The following AZGP1 variants were observed in gnomAD, a reference collection of about 807,000 sequenced individuals.
AZGP1 encodes zinc-alpha-2-glycoprotein.
AZGP1 carries 28 observed loss-of-function variants against 31.5 expected under a neutral mutation model. The ratio of observed to expected loss-of-function variants is 0.89; its 90% CI spans 0.66 to 1.22. AZGP1 has a LOEUF of 1.22. AZGP1 is among the 50% of genes most tolerant of loss of function. The pLI, the probability that AZGP1 is intolerant of heterozygous loss-of-function variation, is 0.00. For synonymous variants in AZGP1, 135 were observed against 145.4 expected (o/e 0.93, Z 0.51); for missense variants, 361 against 371.8 (o/e 0.97, Z 0.24).
At chr7:99,968,681 G>A (rs954327491) in intron 2 of AZGP1, 2 of 518,334 alleles carry the variant, frequency 3.9e-6, no homozygotes, top group African/African-American at 3.9e-5. Context: ...GAGAGCTACA[G>A]CCTGGGCGCT....
intron 3 of AZGP1, chr7:99,967,952 T>G: frequency 1.3e-6 from 1 of 755,106 alleles, no homozygotes; most frequent in Admixed American, 2.8e-5. Flanking sequence ...TCCTGGCCCA[T>G]TCTGCCTGAA....
chr7:99,972,108 C>A, intron 1 of AZGP1, 102 bp from the exon 2 acceptor site: 1 of 1,354,022 alleles, frequency 7.4e-7, no homozygotes, highest in Non-Finnish European at 9.9e-7. Flanking sequence ...TTTTCTTCCC[C>A]AGCTCTTTCT....
Position 99,968,409 on chromosome 7 carries a change from C to T in AZGP1, c.359G>A (p.Arg120Lys), listed in dbSNP as rs1789527077. 1.2e-6 allele frequency: 2 copies of T among 1,613,852 alleles called. No homozygotes were observed. Among genetic ancestry groups the T allele is most frequent in the African/African-American group, 2.7e-5 (2 of 74,906 alleles). ...DSNGSHVLQG[R>K]FGCEIENNRS... ...GTTATTCTCGATCTCACAACCAAACCTTCCCTGCAATACGTGAGACCCTGA... is the reference window on the plus strand; with the variant it reads ...GTTATTCTCGATCTCACAACCAAACTTTCCCTGCAATACGTGAGACCCTGA... The change falls in exon 3 of 4, where the codon AGG (arginine) becomes AAG (lysine). Residue 120 changes from arginine to lysine, a missense_variant. Arg to Lys is a conservative substitution (Grantham distance 26). Coordinates refer to ENST00000292401, the MANE Select transcript of AZGP1 (RefSeq NM_001185.4).
At chr7:99,967,417 C>A (rs1789503057) in intron 3 of AZGP1, 131 bp from the exon 4 acceptor site, 2 of 1,048,060 alleles carry the variant, frequency 1.9e-6, no homozygotes, top group African/African-American at 3.2e-5. Context: ...ACCCCCAGCC[C>A]CGGGAGACTT....
At chr7:99,972,165 C>T (rs1337176992) in intron 1 of AZGP1, among the ~76,000 whole-genome samples, 159 bp from the exon 2 acceptor site, 1 of 152,222 alleles carries the variant, frequency 6.6e-6, no homozygotes, top group African/African-American at 2.4e-5. Flanking sequence ...AGTGAATATG[C>T]TCTACTTTCA....
At position 99,968,293 on chromosome 7, in the gene AZGP1, G is replaced by A. The variant is rs150030569; in HGVS notation, c.475C>T (p.Pro159Ser). 6.2e-7 allele frequency: 1 copy of A among 1,613,694 alleles called. No individual in the cohort carries two copies. The highest frequency in any genetic ancestry group is 1.7e-5 in the Admixed American group (1 of 59,956). ...TTCTGCTTGGTTATCTGGGCTGCTG[G>A]GTCGAAGGGGACCCAGGCTGGGATT... is the stretch of plus-strand genomic sequence containing the variant. ...KEIPAWVPFD[P>S]AAQITKQKWE... The change falls in exon 3 of 4, where the codon CCA (proline) becomes TCA (serine). Residue 159 changes from proline to serine, a missense_variant. Pro to Ser is a moderately conservative substitution (Grantham distance 74, BLOSUM62 -1). Transcript: ENST00000292401.
At chr7:99,971,439 G>T in intron 2 of AZGP1, 1 of 316,498 alleles carries the variant, frequency 3.2e-6, no homozygotes, top group East Asian at 6.4e-5. Context: ...CCTTCTCACG[G>T]GGGTATCAGC....
At chr7:99,968,597 A>C in intron 2 of AZGP1, 167 bp from the exon 3 acceptor site, 3 of 821,270 alleles carry the variant, frequency 3.7e-6, no homozygotes, top group East Asian at 2.5e-5. Context: ...AATATATACA[A>C]CAGACAGAGA....
At chr7:99,969,922 G>C (rs1342072286) in intron 2 of AZGP1, among the ~76,000 whole-genome samples, 1 of 152,116 alleles carries the variant, frequency 6.6e-6, no homozygotes, top group Non-Finnish European at 1.5e-5. Context: ...ACCTCATAGG[G>C]CAGGGGACAC....
chr7:99,972,914 G>A (rs1313434014), intron 1 of AZGP1, among the ~76,000 whole-genome samples: 3 of 151,936 alleles, frequency 2.0e-5, no homozygotes, highest in Non-Finnish European at 2.9e-5. Flanking sequence ...TCAGGAGATC[G>A]AGACCATCCT....
At position 99,968,331 on chromosome 7, in the gene AZGP1, T is replaced by TCAATGTAGTC. The variant is rs769982729; in HGVS notation, c.427_436dup (p.Glu146GlyfsTer4). On this transcript the variant is annotated stop_gained and frameshift_variant, in exon 3 of 4. Coordinates refer to ENST00000292401, the MANE Select transcript of AZGP1 (RefSeq NM_001185.4). LOFTEE classifies it high-confidence loss of function. ...CCAGGCTGGGATTTCTTTGTTGAAT[T>TCAATGTAGTC]CAATGTAGTCCTTTCCATCATAGTA... 4.9e-5 allele frequency: 79 copies of TCAATGTAGTC among 1,613,748 alleles called. 1 individual carries two copies. The South Asian group carries it at 6.6e-4, about 13-fold the overall frequency.
At chr7:99,971,688 C>A (rs991132187) in intron 2 of AZGP1, 58 bp downstream of exon 2, 1 of 1,566,356 alleles carries the variant, frequency 6.4e-7, no homozygotes, top group East Asian at 2.2e-5. Context: ...GCCACTCACA[C>A]TGGGGGGGCT....
chr7:99,970,930 C>CG (rs1278592207), intron 2 of AZGP1, among the ~76,000 whole-genome samples: 1 of 152,142 alleles, frequency 6.6e-6, no homozygotes, highest in Non-Finnish European at 1.5e-5. Flanking sequence ...AGCACTGGGC[C>CG]GGGGGCACAG....
At position 99,966,806 on chromosome 7, in the gene AZGP1, T is replaced by C; in HGVS notation, c.*197A>G. On this transcript the variant is annotated 3_prime_UTR_variant, in exon 4 of 4. Coordinates refer to ENST00000292401, the MANE Select transcript of AZGP1 (RefSeq NM_001185.4). ...GGGTGGGGGTGGGCTCAAGGTGAGA[T>C]GATTTTTTGGGTCCAAGTCTACTCA... 1.3e-6 allele frequency: 1 copy of C among 744,482 alleles called. No individual in the cohort carries two copies. Among genetic ancestry groups the C allele is most frequent in the Non-Finnish European group, 2.1e-6 (1 of 465,572 alleles). 46.1% of individuals were successfully genotyped at this position (744,482 alleles called of 1,614,324 possible). A position where few individuals can be genotyped will look rare whatever the true frequency, so the allele number is the denominator to read the frequency against.
intron 2 of AZGP1, among the ~76,000 whole-genome samples, chr7:99,970,174 T>A (rs188487094): frequency 6.6e-6 from 1 of 152,330 alleles, no homozygotes; most frequent in East Asian, 1.9e-4. Flanking sequence ...GCATTATATA[T>A]GCTCATAGAT....
Position 99,971,835 on chromosome 7 carries a change from C to T in AZGP1, c.248G>A (p.Trp83Ter), listed in dbSNP as rs1344047327. 4.3e-6 allele frequency: 7 copies of T among 1,613,998 alleles called. No individual in the cohort carries two copies. The highest frequency in any genetic ancestry group is 5.9e-6 in the Non-Finnish European group (7 of 1,180,022). Residue 83 changes from tryptophan (W) to a stop codon, truncating the protein, a stop_gained, in exon 2 of 4, where the codon TGG becomes TAG. Coordinates refer to ENST00000292401, the MANE Select transcript of AZGP1 (RefSeq NM_001185.4). LOFTEE classifies it high-confidence loss of function. Reference sequence around the variant, plus strand: ...CTTCTGAAGTTGGCTGTCCTGCTTCCAATCCTCCATTCCTTCCACCTGTCT... The same window carrying T: ...CTTCTGAAGTTGGCTGTCCTGCTTCTAATCCTCCATTCCTTCCACCTGTCT... ...LWRQVEGMEDWKQDSQLQKAR... is the reference protein window; with the variant it reads ...LWRQVEGMED
intron 1 of AZGP1, among the ~76,000 whole-genome samples, chr7:99,973,163 T>C (rs1390943185): frequency 6.6e-6 from 1 of 151,200 alleles, no homozygotes; most frequent in Admixed American, 6.6e-5. Context: ...CAAATACATA[T>C]AGTTAGAAAG....
chr7:99,974,339 G>A (rs546898728), intron 1 of AZGP1, among the ~76,000 whole-genome samples: 1 of 152,052 alleles, frequency 6.6e-6, no homozygotes, highest in African/African-American at 2.4e-5. Flanking sequence ...TGTAATCCCG[G>A]CACTTTGGGA....
intron 3 of AZGP1, chr7:99,967,870 C>A: frequency 1.7e-6 from 1 of 593,414 alleles, no homozygotes; most frequent in Non-Finnish European, 3.0e-6. Flanking sequence ...GTTACCCTCA[C>A]CTCCCTAACC....
Sources: gnomAD v4.1 joint callset for allele counts (sites outside exome capture counted in the v4.1 genomes callset) on GRCh38, gnomAD v4.1.1 for gene constraint, MANE v1.5 for transcripts, NCBI Gene and HGNC (gene_info 2026-07-23, HGNC 2026-07-21) for gene names.